Variants in DYSF observed in about 807,000 individuals in gnomAD.
DYSF encodes the protein dystrophy-associated fer-1-like 1.
DYSF carries 212 observed loss-of-function variants against 274.9 expected under a neutral mutation model. The observed-to-expected ratio is 0.77, with a 90% CI of 0.69 to 0.86. DYSF has a LOEUF of 0.86. DYSF is among the 40% of genes least tolerant of loss of function. The probability of loss-of-function intolerance (pLI) is 0.00; values close to 1 mark genes in which losing one functional copy is unlikely to be tolerated. For missense variants in DYSF, 2,666 were observed against 2,783.2 expected, an observed-to-expected ratio of 0.96 and a Z score of 0.95; for synonymous variants, 1,091 against 1,078.7, an observed-to-expected ratio of 1.01 and a Z score of -0.22.
intron 33 of DYSF, among the ~76,000 whole-genome samples, chr2:71,599,599 G>C (rs528869999): frequency 1.3e-5 from 2 of 152,192 alleles, no homozygotes; most frequent in Non-Finnish European, 2.9e-5. Context: ...TGAGGCCAGG[G>C]GAGCAGGAGA....
rs2093313783 is a variant in DYSF at position 71,593,069 on chromosome 2, G to A, written c.3574+2781G>A. Among the ~76,000 whole-genome samples the A allele has an allele frequency of 4.6e-5, 7 of 150,932 alleles. No individual in the cohort carries two copies. The South Asian group carries it at 1.5e-3, about 32-fold the overall frequency. ...TGCTTGTGTGTTTATTAATGTGTGT[G>A]CCCTGTGCAGCAATTAGTCATAAAA... On this transcript the variant is annotated intron_variant, in intron 32 of 55. Coordinates refer to ENST00000410020, the MANE Select transcript of DYSF (RefSeq NM_001130987.2).
intron 17 of DYSF, among the ~76,000 whole-genome samples, chr2:71,539,587 T>G (rs1559110589): frequency 6.6e-6 from 1 of 152,172 alleles, no homozygotes; most frequent in African/African-American, 2.4e-5. Flanking sequence ...ACTGTTCTAT[T>G]AAAAAAGCAA....
chr2:71,655,918 CCTCT>C (rs1375835734), intron 42 of DYSF, among the ~76,000 whole-genome samples: 1 of 152,206 alleles, frequency 6.6e-6, no homozygotes, highest in African/African-American at 2.4e-5. Context: ...TCCATCTCCT[CCTCT>C]GTTCCTTTCT....
upstream of DYSF, among the ~76,000 whole-genome samples, chr2:71,461,957 G>A (rs2081300048): frequency 6.6e-6 from 1 of 152,218 alleles, no homozygotes; most frequent in African/African-American, 2.4e-5. Flanking sequence ...CTTAACTGGT[G>A]TCCAGAGACC....
intron 27 of DYSF, 49 bp from the exon 28 acceptor site, chr2:71,570,180 A>G (rs1251511134): frequency 7.2e-6 from 11 of 1,536,102 alleles, no homozygotes; most frequent in Non-Finnish European, 9.9e-6. Flanking sequence ...CTCCCTGCTC[A>G]CATCTGTCTG....
At chr2:71,478,060 C>A (rs2082538629) in intron 1 of DYSF, among the ~76,000 whole-genome samples, 1 of 129,730 alleles carries the variant, frequency 7.7e-6, no homozygotes, top group South Asian at 2.2e-4. Flanking sequence ...TTTTTTTTTG[C>A]TATATATGTG....
Position 71,600,826 on chromosome 2 carries a change from T to A in DYSF, c.3881T>A (p.Leu1294His), listed in dbSNP as rs749939054. ...PSGELLASFE[L>H]IQREKPAIHH... ...GGGGAGCTGCTGGCCTCTTTTGAGC[T>A]CATCCAGAGAGAGAAGGTGAGGCTG... Residue 1294 changes from leucine to histidine, a missense_variant, in exon 34 of 56, where the codon CTC becomes CAC. By Grantham distance (99) the Leu-to-His change is moderately conservative (BLOSUM62 -3). Around this residue, in one of 3 missense-constraint regions of DYSF, gnomAD observed 1,460 missense variants for 1,502.1 expected, o/e 0.97. Coordinates refer to ENST00000410020, the MANE Select transcript of DYSF (RefSeq NM_001130987.2). The A allele has an allele frequency of 3.7e-6, 6 of 1,612,130 alleles. No homozygotes were observed. The highest frequency in any genetic ancestry group is 2.2e-5 in the South Asian group (2 of 91,080).
chr2:71,489,126 T>C (rs1208069235), intron 3 of DYSF, among the ~76,000 whole-genome samples: 5 of 151,930 alleles, frequency 3.3e-5, no homozygotes, highest in Admixed American at 6.6e-5. Flanking sequence ...TCTTAGGGAG[T>C]ATCAAATCAA....
At chr2:71,599,381 T>C (rs1183513983) in intron 33 of DYSF, among the ~76,000 whole-genome samples, 1 of 152,274 alleles carries the variant, frequency 6.6e-6, no homozygotes, top group African/African-American at 2.4e-5. Flanking sequence ...TTTTATTTCA[T>C]TTTAACGAAG....
At chr2:71,495,089 G>A (rs1462803853) in intron 3 of DYSF, among the ~76,000 whole-genome samples, 1 of 152,124 alleles carries the variant, frequency 6.6e-6, no homozygotes, top group Non-Finnish European at 1.5e-5. Context: ...GCACATGTGG[G>A]GGGTGATAGG....
At chr2:71,462,326 G>A (rs552881637), upstream of DYSF, among the ~76,000 whole-genome samples, 6 of 152,326 alleles carry the variant, frequency 3.9e-5, no homozygotes, top group East Asian at 1.2e-3. Context: ...ACTGGAAGGG[G>A]CTTCCACTGT....
chr2:71,667,836 C>T (rs188420787), intron 48 of DYSF, among the ~76,000 whole-genome samples: 48 of 152,244 alleles, frequency 3.2e-4, no homozygotes, highest in Non-Finnish European at 2.6e-4. Context: ...GGTTGGATTC[C>T]CCCATCCAAC....
Position 71,503,261 on chromosome 2 carries a change from C to T in DYSF, c.287C>T (p.Pro96Leu), listed in dbSNP as rs774912908. 2 of 1,614,118 alleles carry T rather than the reference C, an allele frequency of 1.2e-6. No homozygotes were observed. Among genetic ancestry groups the T allele is most frequent in the Non-Finnish European group, 1.7e-6 (2 of 1,179,992 alleles). The change falls in exon 4 of 56, where the codon CCT (proline) becomes CTT (leucine). Residue 96 changes from proline to leucine, a missense_variant. By Grantham distance (98) the Pro-to-Leu change is moderately conservative. Around this residue, in one of 3 missense-constraint regions of DYSF, gnomAD observed 794 missense variants for 777.1 expected, o/e 1.02. Coordinates refer to ENST00000410020, the MANE Select transcript of DYSF (RefSeq NM_001130987.2). ...CCACTCCGAGAGGTCCTCGCCACCCCTAGTCTGTCCGCCAGCTTCAATGCC... is the reference window on the plus strand; with the variant it reads ...CCACTCCGAGAGGTCCTCGCCACCCTTAGTCTGTCCGCCAGCTTCAATGCC... ...KVPLREVLATPSLSASFNAPL... is the reference protein window; with the variant it reads ...KVPLREVLATLSLSASFNAPL...
chr2:71,646,323 C>G (rs1297109745), intron 42 of DYSF, among the ~76,000 whole-genome samples: 2 of 152,244 alleles, frequency 1.3e-5, no homozygotes, highest in Non-Finnish European at 2.9e-5. Context: ...GCCCTGGCCC[C>G]TCGCTGCTCC....
intron 14 of DYSF, among the ~76,000 whole-genome samples, chr2:71,531,784 G>A (rs1401640689): frequency 6.6e-6 from 1 of 152,140 alleles, no homozygotes; most frequent in Non-Finnish European, 1.5e-5. Flanking sequence ...GCGTGTGATA[G>A]GTAAGCTTCT....
chr2:71,468,295 G>C (rs1210495203), intron 1 of DYSF, among the ~76,000 whole-genome samples: 1 of 152,156 alleles, frequency 6.6e-6, no homozygotes, highest in Non-Finnish European at 1.5e-5. Flanking sequence ...TCTAACACTC[G>C]TTTGGGTCTG....
At chr2:71,669,507 C>A in intron 50 of DYSF, 98 bp from the exon 51 acceptor site, 1 of 1,467,674 alleles carries the variant, frequency 6.8e-7, no homozygotes, top group South Asian at 1.1e-5. Flanking sequence ...GCGATAAGCT[C>A]ATTTACCTTC....
chr2:71,622,249 A>T (rs752071781), intron 41 of DYSF, among the ~76,000 whole-genome samples: 1 of 150,388 alleles, frequency 6.6e-6, no homozygotes, highest in African/African-American at 2.5e-5. Flanking sequence ...TGTTTTCCTC[A>T]TGACTTTGTC....
chr2:71,570,458 AC>A (rs1031562491), intron 28 of DYSF, 124 bp downstream of exon 28: 56 of 1,403,948 alleles, frequency 4.0e-5, no homozygotes, highest in East Asian at 3.4e-4. Flanking sequence ...TCTTGAAGGC[AC>A]CCCCCACTCC....
Sources: allele counts gnomAD v4.1 joint callset (sites outside exome capture counted in the v4.1 genomes callset), GRCh38; gene constraint gnomAD v4.1.1; regional missense constraint gnomAD v4.1.1; transcripts MANE v1.5; gene names NCBI Gene and HGNC (gene_info 2026-07-23, HGNC 2026-07-21).